HEATR4: variants seen among roughly 807,000 people sequenced by gnomAD.
The protein encoded by HEATR4 is HEAT repeat-containing protein 4.
HEATR4 carries 95 observed loss-of-function variants against 108.8 expected under a neutral mutation model. That is an observed-to-expected ratio of 0.87 (90% confidence interval 0.74 to 1.04). The LOEUF is 1.04. HEATR4 is among the 50% of genes least tolerant of loss of function. The pLI is 0.00. For synonymous variants in HEATR4, 443 were observed against 459.4 expected, an observed-to-expected ratio of 0.96 and a Z score of 0.46; for missense variants, 1,152 against 1,253.8, an observed-to-expected ratio of 0.92 and a Z score of 1.23.
At chr14:73,586,020 C>A in the HEATR4 span, among the ~76,000 whole-genome samples, 87 of 133,746 alleles carry the variant, frequency 6.5e-4, no homozygotes, top group Non-Finnish European at 8.9e-4. Flanking sequence ...AAAAAAAAAA[C>A]CAAAAAAAAA....
At position 73,521,045 on chromosome 14, in the gene HEATR4, C is replaced by A; in HGVS notation, c.882-6G>T. ...GTTGGAAGTAACTGGGCAATCTTGG[C>A]AGGGGTGAGAAAGGAGGGAAAAGGG... On this transcript the variant is annotated splice_region_variant and splice_polypyrimidine_tract_variant and intron_variant, in intron 3 of 17. Coordinates refer to ENST00000553558, the MANE Select transcript of HEATR4 (RefSeq NM_001220484.1). 1.2e-6 allele frequency: 2 copies of A among 1,611,804 alleles called. No homozygotes were observed. Among genetic ancestry groups the A allele is most frequent in the East Asian group, 4.5e-5 (2 of 44,804 alleles).
At chr14:73,587,043 C>T in the HEATR4 span, among the ~76,000 whole-genome samples, 2 of 151,588 alleles carry the variant, frequency 1.3e-5, no homozygotes, top group Non-Finnish European at 2.9e-5. Flanking sequence ...GTATTTTTCT[C>T]TTAGTTTTAT....
the HEATR4 span, among the ~76,000 whole-genome samples, chr14:73,591,229 A>C: frequency 5.8e-5 from 7 of 121,306 alleles, no homozygotes; most frequent in Non-Finnish European, 1.2e-4. Flanking sequence ...CCTGGATGAC[A>C]GAGAGAGACC....
chr14:73,499,683 AT>A (rs1886320294), intron 12 of HEATR4, among the ~76,000 whole-genome samples: 3 of 152,174 alleles, frequency 2.0e-5, no homozygotes, highest in African/African-American at 7.2e-5. Flanking sequence ...ATCTGGGGCC[AT>A]ATGGCTTCTC....
chr14:73,549,456 G>C (rs1025932717), intron 1 of HEATR4, among the ~76,000 whole-genome samples: 1 of 128,320 alleles, frequency 7.8e-6, no homozygotes, highest in Admixed American at 8.1e-5. Context: ...CCAGGAAGTA[G>C]AGAACATTCC....
At chr14:73,573,397 C>G in the HEATR4 span, 1 of 1,613,508 alleles carries the variant, frequency 6.2e-7, no homozygotes, top group Non-Finnish European at 8.5e-7. Flanking sequence ...GAACCTGGGC[C>G]CTTTCCTGGG....
chr14:73,553,714 A>C (rs1458210212), intron 1 of HEATR4, among the ~76,000 whole-genome samples: 1 of 112,256 alleles, frequency 8.9e-6, no homozygotes, highest in African/African-American at 2.9e-5. Flanking sequence ...GGCACACTGC[A>C]ACCTCTGCCT....
At chr14:73,579,228 C>A in the HEATR4 span, among the ~76,000 whole-genome samples, 1 of 137,414 alleles carries the variant, frequency 7.3e-6, no homozygotes, top group African/African-American at 2.7e-5. Context: ...TGTACTCCAG[C>A]CTAGGCAACA....
chr14:73,582,798 C>G, the HEATR4 span: 1 of 152,112 alleles, frequency 6.6e-6, no homozygotes. Context: ...TACTGCCAGT[C>G]TCTGCTGTCT....
At chr14:73,562,866 C>T (rs770565077), upstream of HEATR4, among the ~76,000 whole-genome samples, 3 of 151,962 alleles carry the variant, frequency 2.0e-5, no homozygotes, top group Non-Finnish European at 2.9e-5. Context: ...ATACATGCAC[C>T]GCTGAACACA....
the HEATR4 span, among the ~76,000 whole-genome samples, chr14:73,576,664 T>C: frequency 7.9e-5 from 12 of 151,056 alleles, no homozygotes; most frequent in African/African-American, 2.9e-4. Flanking sequence ...ACATTGGTGG[T>C]GCATGCCTGT....
At chr14:73,529,354 C>CAAAA (rs10605851) in intron 2 of HEATR4, among the ~76,000 whole-genome samples, 92 of 87,310 alleles carry the variant, frequency 1.1e-3, no homozygotes, top group African/African-American at 2.5e-3. Flanking sequence ...GACTCTGTCT[C>CAAAA]AAAAAAAAAA....
chr14:73,491,478 A>G (rs1271000361), intron 17 of HEATR4: 3 of 1,495,256 alleles, frequency 2.0e-6, no homozygotes, highest in African/African-American at 2.8e-5. Context: ...ACCGCGCAAC[A>G]CTTAGCGGCC....
chr14:73,574,036 ATTTT>A, the HEATR4 span, among the ~76,000 whole-genome samples: 1 of 148,026 alleles, frequency 6.8e-6, no homozygotes, highest in African/African-American at 2.5e-5. Flanking sequence ...TAATATTTGT[ATTTT>A]TTTTTTTTTA....
the HEATR4 span, among the ~76,000 whole-genome samples, chr14:73,573,210 TA>T: frequency 6.6e-6 from 1 of 151,916 alleles, no homozygotes. Context: ...CTACAACGAG[TA>T]AAGTCACTAT....
At chr14:73,504,520 G>A (rs1276854111) in intron 10 of HEATR4, among the ~76,000 whole-genome samples, 1 of 152,150 alleles carries the variant, frequency 6.6e-6, no homozygotes, top group African/African-American at 2.4e-5. Context: ...GGGATTACAG[G>A]TGCGAGCCAC....
At chr14:73,626,667 A>T in the HEATR4 span, among the ~76,000 whole-genome samples, 6,610 of 152,156 alleles carry the variant, frequency 0.043, 178 homozygotes, top group Middle Eastern at 0.075. Flanking sequence ...GTCTTAAAAA[A>T]AAAAAGTTCA....
At chr14:73,576,492 G>T in the HEATR4 span, among the ~76,000 whole-genome samples, 1 of 151,918 alleles carries the variant, frequency 6.6e-6, no homozygotes, top group African/African-American at 2.4e-5. Context: ...TTTTAACAAT[G>T]ACAAATGTGA....
chr14:73,607,409 C>T, the HEATR4 span, among the ~76,000 whole-genome samples: 1 of 152,192 alleles, frequency 6.6e-6, no homozygotes, highest in East Asian at 1.9e-4. Context: ...CACAAGGCTG[C>T]ACACAGCAGG....
Sources: allele counts gnomAD v4.1 joint callset (sites outside exome capture counted in the v4.1 genomes callset), GRCh38; gene constraint gnomAD v4.1.1; transcripts MANE v1.5; gene names NCBI Gene and HGNC (gene_info 2026-07-23, HGNC 2026-07-21).